Variants in PDE1A observed in about 807,000 individuals in gnomAD.
PDE1A encodes the protein dual specificity calcium/calmodulin-dependent 3',5'-cyclic nucleotide phosphodiesterase 1A.
Under a neutral mutation model 61.7 loss-of-function variants are expected in PDE1A, and 35 were observed. The observed-to-expected ratio is 0.57, with a 90% CI of 0.43 to 0.75. The LOEUF (loss-of-function observed/expected upper bound fraction) is 0.75. Ranked by LOEUF, PDE1A falls within the 30% of genes least tolerant of loss-of-function variation. PDE1A has a pLI of 0.00. For missense variants in PDE1A, 597 were observed against 630.6 expected (o/e 0.95, Z 0.57); for synonymous variants, 232 against 213.2 (o/e 1.09, Z -0.77).
chr2:182,191,603 T>A (rs186460826), intron 10 of PDE1A, among the ~76,000 whole-genome samples: 1 of 144,448 alleles, frequency 6.9e-6, no homozygotes, highest in East Asian at 1.9e-4. Flanking sequence ...CAGTCAGCTG[T>A]ATCTTTTGCA....
chr2:182,666,751 C>T, the PDE1A span, among the ~76,000 whole-genome samples: 1 of 152,302 alleles, frequency 6.6e-6, no homozygotes, highest in East Asian at 1.9e-4. Flanking sequence ...TACCAGCTAA[C>T]TTCTACCTCT....
upstream of PDE1A, among the ~76,000 whole-genome samples, chr2:182,527,840 T>C (rs892948878): frequency 1.3e-5 from 2 of 152,016 alleles, no homozygotes; most frequent in African/African-American, 4.8e-5. Flanking sequence ...TCTCATGAGA[T>C]CTCATAGTTT....
intron 2 of PDE1A, among the ~76,000 whole-genome samples, chr2:182,465,142 G>A (rs866626558): frequency 3.9e-5 from 6 of 152,158 alleles, no homozygotes; most frequent in Middle Eastern, 3.4e-3. Context: ...AAGGAACAGT[G>A]CCTTTATTTC....
At chr2:182,434,410 ACT>A (rs1704107762) in intron 2 of PDE1A, among the ~76,000 whole-genome samples, 1 of 152,108 alleles carries the variant, frequency 6.6e-6, no homozygotes, top group Non-Finnish European at 1.5e-5. Context: ...AAGAACAGAA[ACT>A]CATTTCCTCA....
chr2:182,607,479 T>C, the PDE1A span, among the ~76,000 whole-genome samples: 15 of 152,106 alleles, frequency 9.9e-5, no homozygotes, highest in Non-Finnish European at 1.5e-5. Flanking sequence ...AACCCCCGCG[T>C]ATACCAAAAT....
the PDE1A span, among the ~76,000 whole-genome samples, chr2:182,629,975 C>T: frequency 6.6e-6 from 1 of 152,040 alleles, no homozygotes; most frequent in African/African-American, 2.4e-5. Context: ...TTGTACTTGC[C>T]TGCCTATAAG....
At chr2:182,196,893 T>C (rs1686178735) in intron 10 of PDE1A, among the ~76,000 whole-genome samples, 1 of 151,838 alleles carries the variant, frequency 6.6e-6, no homozygotes. Context: ...TACTCCTATA[T>C]AAGACATTTG....
At chr2:182,634,535 G>T in the PDE1A span, among the ~76,000 whole-genome samples, 1 of 152,184 alleles carries the variant, frequency 6.6e-6, no homozygotes, top group African/African-American at 2.4e-5. Flanking sequence ...AAAGAGGTTT[G>T]CAACCATCAT....
chr2:182,626,800 T>TACATATATATAC, the PDE1A span, among the ~76,000 whole-genome samples: 1 of 23,878 alleles, frequency 4.2e-5, no homozygotes, highest in Non-Finnish European at 8.8e-5. Flanking sequence ...TACATATATA[T>TACATATATATAC]ACATATATAT....
At chr2:182,599,827 A>G in the PDE1A span, among the ~76,000 whole-genome samples, 1 of 152,224 alleles carries the variant, frequency 6.6e-6, no homozygotes, top group Non-Finnish European at 1.5e-5. Context: ...AGGTTTAATT[A>G]TGCCAGTTAT....
the PDE1A span, chr2:182,716,553 G>A: frequency 6.6e-6 from 1 of 152,456 alleles, no homozygotes; most frequent in Non-Finnish European, 1.5e-5. Context: ...TCAGGGAGGG[G>A]CGGAATGGCT....
At chr2:182,234,847 G>T (rs1446058837) in intron 3 of PDE1A, among the ~76,000 whole-genome samples, 3 of 152,064 alleles carry the variant, frequency 2.0e-5, no homozygotes, top group Non-Finnish European at 2.9e-5. Flanking sequence ...GAACATTCTT[G>T]TTTTATGTCC....
chr2:182,662,208 C>T, the PDE1A span, among the ~76,000 whole-genome samples: 4 of 130,772 alleles, frequency 3.1e-5, no homozygotes, highest in African/African-American at 1.2e-4. Flanking sequence ...GATATTGCAC[C>T]ATAAAGAGAA....
chr2:182,376,188 C>T (rs116664167), intron 1 of PDE1A, among the ~76,000 whole-genome samples: 3,094 of 152,318 alleles, frequency 0.02, 105 homozygotes, highest in African/African-American at 0.071. Context: ...TGGATTTCTC[C>T]TCAGAAAATG....
intron 1 of PDE1A, among the ~76,000 whole-genome samples, chr2:182,415,099 A>C (rs887737087): frequency 7.2e-5 from 11 of 152,246 alleles, no homozygotes; most frequent in African/African-American, 2.2e-4. Context: ...TTTAAAAAAA[A>C]TTCTGTCTTT....
At chr2:182,289,675 T>G (rs1326225063) in intron 1 of PDE1A, among the ~76,000 whole-genome samples, 1 of 152,120 alleles carries the variant, frequency 6.6e-6, no homozygotes, top group Non-Finnish European at 1.5e-5. Flanking sequence ...TTCAATTTCC[T>G]TATTGGATTT....
chr2:182,285,115 G>A (rs868113740), intron 1 of PDE1A, among the ~76,000 whole-genome samples: 5 of 152,122 alleles, frequency 3.3e-5, no homozygotes, highest in Middle Eastern at 6.8e-3. Context: ...CCTCCCCAGT[G>A]CCTGCCTTCC....
At chr2:182,364,208 A>C (rs1699678954) in intron 1 of PDE1A, among the ~76,000 whole-genome samples, 1 of 151,876 alleles carries the variant, frequency 6.6e-6, no homozygotes, top group African/African-American at 2.4e-5. Flanking sequence ...CCATACCTTC[A>C]GTAAGAAAGG....
chr2:182,298,192 T>TA (rs1695012091), intron 1 of PDE1A, among the ~76,000 whole-genome samples: 1 of 152,122 alleles, frequency 6.6e-6, no homozygotes, highest in Non-Finnish European at 1.5e-5. Context: ...TACTTACACA[T>TA]AGCATCTGAG....
Sources: gnomAD v4.1 joint callset for allele counts (sites outside exome capture counted in the v4.1 genomes callset) on GRCh38, gnomAD v4.1.1 for gene constraint, MANE v1.5 for transcripts, NCBI Gene and HGNC (gene_info 2026-07-23, HGNC 2026-07-21) for gene names.